Variants in SBF2 observed in about 807,000 individuals in gnomAD.
The protein encoded by SBF2 is SET binding factor 2.
SBF2 carries 112 observed loss-of-function variants against 225.2 expected under a neutral mutation model. The ratio of observed to expected loss-of-function variants is 0.50; its 90% CI spans 0.43 to 0.58. The LOEUF is 0.58. Among genes scored for constraint, SBF2 ranks in the 20% least tolerant of loss-of-function variants. The pLI is 0.00. For missense variants in SBF2, 1,996 were observed against 2,206.2 expected (o/e 0.90, Z 1.91); for synonymous variants, 763 against 773.3 (o/e 0.99, Z 0.22).
chr11:10,288,201 C>T (rs1963925686), intron 1 of SBF2, among the ~76,000 whole-genome samples: 1 of 152,200 alleles, frequency 6.6e-6, no homozygotes, highest in African/African-American at 2.4e-5. Flanking sequence ...GAGCAAGGGG[C>T]ATGTTTCAGC....
rs550976430 is a variant in SBF2 at position 10,007,021 on chromosome 11, C to T, written c.620-4332G>A. ...ATACGACAGACATGAAGGCTGGTCT[C>T]GGGTTAACAGATTATCATTATAACA... On this transcript the variant is annotated intron_variant, in intron 6 of 39. Coordinates refer to ENST00000256190, the MANE Select transcript of SBF2 (RefSeq NM_030962.4). Among the ~76,000 whole-genome samples, 9 of 152,284 alleles carry T rather than the reference C, an allele frequency of 5.9e-5. No individual in the cohort carries two copies. The East Asian group carries it at 9.6e-4, about 16-fold the overall frequency.
intron 16 of SBF2, among the ~76,000 whole-genome samples, chr11:9,924,502 G>A (rs1040827400): frequency 2.6e-5 from 4 of 152,012 alleles, no homozygotes; most frequent in African/African-American, 7.3e-5. Context: ...CGTGATCTCC[G>A]CTCACGGCAA....
chr11:10,174,671 A>G (rs1005276804), intron 2 of SBF2, among the ~76,000 whole-genome samples: 1 of 152,138 alleles, frequency 6.6e-6, no homozygotes, highest in African/African-American at 2.4e-5. Context: ...CGCCACAAAG[A>G]TACTCCTCGA....
At chr11:9,995,769 C>T (rs1359731697) in intron 9 of SBF2, among the ~76,000 whole-genome samples, 1 of 151,300 alleles carries the variant, frequency 6.6e-6, no homozygotes, top group Non-Finnish European at 1.5e-5. Flanking sequence ...TCCTGTCTCA[C>T]CTCCTGAGTA....
intron 2 of SBF2, among the ~76,000 whole-genome samples, chr11:10,092,969 G>C (rs961508845): frequency 6.6e-6 from 1 of 151,312 alleles, no homozygotes. Context: ...CATTTACACT[G>C]TGTATGATTC....
chr11:9,852,282 T>C (rs775519107), intron 21 of SBF2, among the ~76,000 whole-genome samples: 2 of 152,016 alleles, frequency 1.3e-5, no homozygotes, highest in Non-Finnish European at 2.9e-5. Context: ...CTGTTTGGGA[T>C]GTATAGTCAG....
intron 4 of SBF2, among the ~76,000 whole-genome samples, chr11:10,030,393 T>C (rs1949210089): frequency 6.6e-6 from 1 of 152,200 alleles, no homozygotes; most frequent in Non-Finnish European, 1.5e-5. Context: ...AATCTTTCAG[T>C]ATAGCAAAAT....
rs764275849 is a variant in SBF2 at position 9,789,104 on chromosome 11, C to T, written c.4932+5G>A. ...CCCCTAGGTGTGTGTCTACAGTTGACTTACACTGAAAAGGCTGGTGAGAGC... is the reference window on the plus strand; with the variant it reads ...CCCCTAGGTGTGTGTCTACAGTTGATTTACACTGAAAAGGCTGGTGAGAGC... On this transcript the variant is annotated splice_donor_5th_base_variant and intron_variant, in intron 35 of 39. Transcript: ENST00000256190. 34 of 1,613,676 alleles carry T rather than the reference C, an allele frequency of 2.1e-5. No individual in the cohort carries two copies. In the South Asian group the frequency reaches 2.9e-4, roughly 14 times the overall value.
chr11:9,875,861 A>C (rs1859183739), intron 17 of SBF2, among the ~76,000 whole-genome samples: 1 of 152,232 alleles, frequency 6.6e-6, no homozygotes, highest in African/African-American at 2.4e-5. Flanking sequence ...ACAAATGTGA[A>C]AGTATGCAGG....
intron 2 of SBF2, among the ~76,000 whole-genome samples, chr11:10,104,958 T>A (rs908223481): frequency 1.3e-5 from 2 of 152,238 alleles, no homozygotes; most frequent in African/African-American, 4.8e-5. Context: ...TCACAGCATA[T>A]GATCTATTTT....
chr11:9,919,272 T>TC (rs57950057), intron 16 of SBF2, among the ~76,000 whole-genome samples: 4 of 148,136 alleles, frequency 2.7e-5, no homozygotes, highest in East Asian at 4.1e-4. Flanking sequence ...TTCTTCTTCT[T>TC]TTTTTTTTTT....
intron 17 of SBF2, among the ~76,000 whole-genome samples, chr11:9,878,718 T>G (rs556083943): frequency 6.6e-6 from 1 of 152,314 alleles, no homozygotes; most frequent in South Asian, 2.1e-4. Flanking sequence ...AGAGGCTTGC[T>G]TCTAAGATTA....
intron 1 of SBF2, among the ~76,000 whole-genome samples, chr11:10,203,801 A>C (rs1957651371): frequency 6.9e-6 from 1 of 144,246 alleles, no homozygotes; most frequent in Admixed American, 7.0e-5. Context: ...AATGGTTGTT[A>C]TATGATAGAA....
intron 28 of SBF2, chr11:9,828,417 G>C: frequency 2.0e-6 from 2 of 985,438 alleles, no homozygotes; most frequent in Non-Finnish European, 2.4e-6. Flanking sequence ...AGATTATAGA[G>C]AGTTAGGTTT....
At position 9,962,755 on chromosome 11, in the gene SBF2, AATAAT is replaced by A. The variant is rs776614780; in HGVS notation, c.1711-654_1711-650del. 1.4e-4 allele frequency among the ~76,000 whole-genome samples: 22 copies of A among 152,162 alleles called. No homozygotes were observed. In the East Asian group the frequency reaches 3.8e-3, roughly 27 times the overall value. ...GACTTAGTTAATTTACTTCACATAT[AATAAT>A]AATAAGCTTATTTAGCTAAAAAATC... On this transcript the variant is annotated intron_variant, in intron 15 of 39. Coordinates refer to ENST00000256190, the MANE Select transcript of SBF2 (RefSeq NM_030962.4).
At chr11:10,005,912 A>G (rs1469302476) in intron 6 of SBF2, among the ~76,000 whole-genome samples, 1 of 152,112 alleles carries the variant, frequency 6.6e-6, no homozygotes, top group African/African-American at 2.4e-5. Flanking sequence ...GCTCCTGCTG[A>G]TGTACGGTAG....
chr11:10,166,125 T>C (rs889359543), intron 2 of SBF2, among the ~76,000 whole-genome samples: 25 of 152,144 alleles, frequency 1.6e-4, no homozygotes, highest in Admixed American at 1.2e-3. Context: ...TAGCACATAA[T>C]AGGCACTAAG....
intron 14 of SBF2, among the ~76,000 whole-genome samples, chr11:9,964,249 T>C (rs1866760758): frequency 6.6e-6 from 1 of 152,186 alleles, no homozygotes; most frequent in Non-Finnish European, 1.5e-5. Flanking sequence ...CCACATCTCT[T>C]ATTAGAAAAC....
intron 13 of SBF2, among the ~76,000 whole-genome samples, chr11:9,979,639 G>C (rs988441611): frequency 1.3e-5 from 2 of 152,082 alleles, no homozygotes; most frequent in Non-Finnish European, 2.9e-5. Context: ...CATGCAAGTT[G>C]CCAGAAAAAT....
Sources: gnomAD v4.1 joint callset for allele counts (sites outside exome capture counted in the v4.1 genomes callset) on GRCh38, gnomAD v4.1.1 for gene constraint, MANE v1.5 for transcripts, NCBI Gene and HGNC (gene_info 2026-07-23, HGNC 2026-07-21) for gene names.